The following LRFN2 variants were observed in gnomAD, a reference collection of about 807,000 sequenced individuals.
LRFN2 encodes the protein leucine rich repeat and fibronectin type III domain containing 2.
LRFN2 carries 18 observed loss-of-function variants against 37.3 expected under a neutral mutation model. The ratio of observed to expected loss-of-function variants is 0.48; its 90% CI spans 0.33 to 0.72. LRFN2 has a LOEUF of 0.72. LRFN2 is among the 30% of genes least tolerant of loss of function. The pLI is 0.02. For synonymous variants in LRFN2, 556 were observed against 466.6 expected, an observed-to-expected ratio of 1.19 and a Z score of -2.47; for missense variants, 1,006 against 1,060.7, an observed-to-expected ratio of 0.95 and a Z score of 0.72.
At chr6:40,452,383 A>G (rs1415665381) in intron 1 of LRFN2, among the ~76,000 whole-genome samples, 1 of 152,180 alleles carries the variant, frequency 6.6e-6, no homozygotes, top group Non-Finnish European at 1.5e-5. Flanking sequence ...CAAACCAACA[A>G]CAATTTAGAA....
chr6:40,489,166 C>T (rs1202267165), intron 1 of LRFN2, among the ~76,000 whole-genome samples: 5 of 152,198 alleles, frequency 3.3e-5, no homozygotes, highest in Admixed American at 3.3e-4. Context: ...GCCTCCATCT[C>T]ACTGCCTTCT....
chr6:40,469,225 G>T (rs1764541423), intron 1 of LRFN2, among the ~76,000 whole-genome samples: 1 of 152,148 alleles, frequency 6.6e-6, no homozygotes, highest in Non-Finnish European at 1.5e-5. Context: ...GAAACTAGAA[G>T]AGGCAAGGAA....
At chr6:40,400,461 C>G (rs1270127495) in intron 2 of LRFN2, among the ~76,000 whole-genome samples, 2 of 141,450 alleles carry the variant, frequency 1.4e-5, no homozygotes, top group Admixed American at 7.5e-5. Flanking sequence ...TAGTCTGTCA[C>G]CCAGGCTGGA....
intron 1 of LRFN2, among the ~76,000 whole-genome samples, chr6:40,497,041 T>G (rs2113873549): frequency 6.6e-6 from 1 of 152,278 alleles, no homozygotes; most frequent in South Asian, 2.1e-4. Context: ...TGGTGCACCA[T>G]GCAAAGGAGT....
At chr6:40,446,977 C>T (rs1433153081) in intron 1 of LRFN2, among the ~76,000 whole-genome samples, 1 of 149,424 alleles carries the variant, frequency 6.7e-6, no homozygotes, top group Non-Finnish European at 1.5e-5. Context: ...GAGGACGAGG[C>T]TGCATCTCCC....
intron 2 of LRFN2, among the ~76,000 whole-genome samples, chr6:40,397,775 T>C (rs566044465): frequency 4.1e-5 from 6 of 147,214 alleles, no homozygotes; most frequent in African/African-American, 1.2e-4. Flanking sequence ...CCAGAGCTAA[T>C]AGCAGCCAAG....
chr6:40,408,372 G>A (rs1211678169), intron 2 of LRFN2, among the ~76,000 whole-genome samples: 1 of 152,278 alleles, frequency 6.6e-6, no homozygotes, highest in Non-Finnish European at 1.5e-5. Flanking sequence ...CCTCGGCAGG[G>A]GCTTCTTGGT....
intron 1 of LRFN2, among the ~76,000 whole-genome samples, chr6:40,528,448 G>A (rs898313333): frequency 2.6e-5 from 4 of 152,198 alleles, no homozygotes; most frequent in African/African-American, 9.7e-5. Flanking sequence ...CAGTGCTTAG[G>A]TCCTGATGCC....
intron 1 of LRFN2, among the ~76,000 whole-genome samples, chr6:40,558,973 C>T (rs1469402940): frequency 1.3e-5 from 2 of 152,048 alleles, no homozygotes; most frequent in African/African-American, 4.8e-5. Context: ...AGCTGAAGGA[C>T]AGAGGAAGGC....
At chr6:40,498,733 A>C (rs1765297862) in intron 1 of LRFN2, among the ~76,000 whole-genome samples, 1 of 152,158 alleles carries the variant, frequency 6.6e-6, no homozygotes, top group African/African-American at 2.4e-5. Flanking sequence ...AATGAAGCCA[A>C]TCATGATCCC....
chr6:40,578,286 C>T (rs1767332138), intron 1 of LRFN2, among the ~76,000 whole-genome samples: 1 of 152,132 alleles, frequency 6.6e-6, no homozygotes. Context: ...CAGTATGATC[C>T]CAACATGCAT....
At chr6:40,414,204 C>A (rs941287993) in intron 2 of LRFN2, among the ~76,000 whole-genome samples, 1 of 152,162 alleles carries the variant, frequency 6.6e-6, no homozygotes. Flanking sequence ...CGTAACCCTG[C>A]CTCCCAGGGG....
intron 1 of LRFN2, among the ~76,000 whole-genome samples, chr6:40,460,366 G>A (rs1454497701): frequency 6.6e-6 from 1 of 152,130 alleles, no homozygotes; most frequent in Non-Finnish European, 1.5e-5. Flanking sequence ...CCCAGACCCG[G>A]ATTTGCATGC....
At chr6:40,424,797 G>C (rs1763311682) in intron 2 of LRFN2, among the ~76,000 whole-genome samples, 1 of 152,122 alleles carries the variant, frequency 6.6e-6, no homozygotes, top group African/African-American at 2.4e-5. Context: ...CCTGTTCCTG[G>C]CATGCCCCAC....
chr6:40,479,799 C>G (rs533038321), intron 1 of LRFN2, among the ~76,000 whole-genome samples: 1 of 152,216 alleles, frequency 6.6e-6, no homozygotes, highest in Non-Finnish European at 1.5e-5. Flanking sequence ...GGTTTGAAGA[C>G]CATGCCAGGA....
At chr6:40,544,121 C>G (rs1197967394) in intron 1 of LRFN2, among the ~76,000 whole-genome samples, 1 of 152,228 alleles carries the variant, frequency 6.6e-6, no homozygotes, top group Non-Finnish European at 1.5e-5. Context: ...CCAATCTGCA[C>G]AGCTGAGAGA....
At chr6:40,424,015 T>C (rs1248338682) in intron 2 of LRFN2, among the ~76,000 whole-genome samples, 3 of 152,330 alleles carry the variant, frequency 2.0e-5, no homozygotes, top group East Asian at 1.9e-4. Context: ...TCATACTAGT[T>C]GAGTTTTCTG....
At chr6:40,464,389 A>G (rs1342537310) in intron 1 of LRFN2, among the ~76,000 whole-genome samples, 1 of 152,228 alleles carries the variant, frequency 6.6e-6, no homozygotes, top group Non-Finnish European at 1.5e-5. Context: ...TGATTAGGTT[A>G]TGATGAATTA....
At chr6:40,458,159 C>G (rs1764273132) in intron 1 of LRFN2, among the ~76,000 whole-genome samples, 1 of 152,170 alleles carries the variant, frequency 6.6e-6, no homozygotes, top group South Asian at 2.1e-4. Context: ...AGGCTGTTTT[C>G]TTTAACATGT....
Sources: allele counts gnomAD v4.1 joint callset (sites outside exome capture counted in the v4.1 genomes callset), GRCh38; gene constraint gnomAD v4.1.1; transcripts MANE v1.5; gene names NCBI Gene and HGNC (gene_info 2026-07-23, HGNC 2026-07-21).